The following SYN3 variants were observed in gnomAD, a reference collection of about 807,000 sequenced individuals.
SYN3 encodes the protein synapsin-3.
SYN3 carries 35 observed loss-of-function variants against 65.8 expected under a neutral mutation model. The ratio of observed to expected loss-of-function variants is 0.53; its 90% confidence interval spans 0.41 to 0.70. The LOEUF (loss-of-function observed/expected upper bound fraction) is 0.70, where lower values mean the gene tolerates loss of function less well. Ranked by LOEUF, SYN3 falls within the 30% of genes least tolerant of loss-of-function variation. The probability of loss-of-function intolerance (pLI) is 0.00; values close to 1 mark genes in which losing one functional copy is unlikely to be tolerated. For synonymous variants in SYN3, 270 were observed against 292.9 expected, an observed-to-expected ratio of 0.92 and a Z score of 0.80; for missense variants, 680 against 749.0, an observed-to-expected ratio of 0.91 and a Z score of 1.08.
chr22:32,513,387 C>G lies in SYN3; in HGVS notation c.*305G>C, dbSNP rs1427407192. 3.6e-6 allele frequency: 1 copy of G among 280,378 alleles called. No individual in the cohort carries two copies. The highest frequency in any genetic ancestry group is 6.7e-6 in the Non-Finnish European group (1 of 148,676). The allele number at this position is 280,378 out of a possible 1,614,324, so 17.4% of individuals were successfully genotyped here. A position where few individuals can be genotyped will look rare whatever the true frequency, so the allele number is the denominator to read the frequency against. On this transcript the variant is annotated 3_prime_UTR_variant, in exon 14 of 14. Transcript: ENST00000358763. The stretch of plus-strand genomic sequence containing the variant: ...AAACTAGCCACTCGCAGACATCTCA[C>G]TTGGTTATCTGGCAGGTAAGCAGGC...
At chr22:32,624,214 G>A (rs1392877045) in intron 6 of SYN3, among the ~76,000 whole-genome samples, 3 of 152,166 alleles carry the variant, frequency 2.0e-5, no homozygotes, top group African/African-American at 4.8e-5. Flanking sequence ...GGTTTGGAAC[G>A]GTGCCTGTTC....
intron 6 of SYN3, among the ~76,000 whole-genome samples, chr22:32,812,726 A>G (rs1254167542): frequency 1.3e-5 from 2 of 152,200 alleles, no homozygotes; most frequent in East Asian, 3.8e-4. Flanking sequence ...CACATGTGTG[A>G]TCTGATGGAA....
chr22:32,947,862 G>A (rs567943072), intron 3 of SYN3, among the ~76,000 whole-genome samples: 1 of 152,328 alleles, frequency 6.6e-6, no homozygotes, highest in East Asian at 1.9e-4. Context: ...TCTCTGTTCT[G>A]TGTTGCACAT....
chr22:32,830,629 G>C (rs78161683), intron 6 of SYN3, among the ~76,000 whole-genome samples: 2 of 152,168 alleles, frequency 1.3e-5, no homozygotes, highest in South Asian at 2.1e-4. Flanking sequence ...AGGAATTCTC[G>C]TTGGAAAACA....
intron 1 of SYN3, among the ~76,000 whole-genome samples, chr22:33,025,859 C>T (rs898649585): frequency 2.6e-5 from 4 of 152,128 alleles, no homozygotes; most frequent in Non-Finnish European, 5.9e-5. Flanking sequence ...CATGTGACTG[C>T]ACCAGGCCCC....
At chr22:32,786,925 A>G (rs1182280137) in intron 6 of SYN3, among the ~76,000 whole-genome samples, 3 of 152,156 alleles carry the variant, frequency 2.0e-5, no homozygotes, top group African/African-American at 7.2e-5. Context: ...GGGGGCTGGA[A>G]GGACCAGGTT....
chr22:32,855,641 C>T (rs377477071), intron 6 of SYN3, among the ~76,000 whole-genome samples: 7 of 152,200 alleles, frequency 4.6e-5, no homozygotes, highest in African/African-American at 1.4e-4. Flanking sequence ...GGAGATTTCT[C>T]AACCTCAGTA....
rs1008692797 is a variant in SYN3 at position 32,663,400 on chromosome 22, G to A, written c.712-66664C>T. Among the ~76,000 whole-genome samples the A allele has an allele frequency of 6.1e-3, 921 of 150,746 alleles. 9 individuals carry two copies. Among genetic ancestry groups the A allele is most frequent in the African/African-American group, 0.022 (892 of 40,930 alleles). Reference sequence around the variant, plus strand: ...TGCAAGCTCCGCCTCCCGGGTTCACGCCATTCTCCTGCCTCAGCCGCCCGA... The same window carrying A: ...TGCAAGCTCCGCCTCCCGGGTTCACACCATTCTCCTGCCTCAGCCGCCCGA... On this transcript the variant is annotated intron_variant, in intron 6 of 13. Coordinates refer to ENST00000358763, the MANE Select transcript of SYN3 (RefSeq NM_003490.4).
In SYN3 at chr22:32,801,949, C is replaced by A. The variant is rs1209959023; in HGVS notation, c.711+62966G>T. 2 of 1,550,640 alleles carry A rather than the reference C, an allele frequency of 1.3e-6. No homozygotes were observed. The highest frequency in any genetic ancestry group is 2.4e-5 in the East Asian group (1 of 41,172). On this transcript the variant is annotated intron_variant, in intron 6 of 13. Coordinates refer to ENST00000358763, the MANE Select transcript of SYN3 (RefSeq NM_003490.4). This position sits in a 1 kb window ranked among gnomAD's most constrained non-coding sequence, Gnocchi z 4.7. ...GCAGCAGCCCCGCCGGCGGCGCGCA[C>A]GGCAACTTTGGAGAGGCGAGCAGCA...
At chr22:32,591,246 A>C (rs73881746) in intron 7 of SYN3, among the ~76,000 whole-genome samples, 10,578 of 152,038 alleles carry the variant, frequency 0.07, 388 homozygotes, top group African/African-American at 0.084. Context: ...AAAAAAAAAA[A>C]CTTAAAAATT....
At chr22:33,011,041 T>G (rs2053338188) in intron 1 of SYN3, among the ~76,000 whole-genome samples, 1 of 152,224 alleles carries the variant, frequency 6.6e-6, no homozygotes, top group Non-Finnish European at 1.5e-5. Flanking sequence ...AGATCTTTAC[T>G]TCTTTCTTTC....
chr22:32,508,329 C>A lies in SYN3; in HGVS notation c.*5363G>T, dbSNP rs1054893318. Reference sequence around the variant, plus strand: ...CCCGCCCCTGCCCACCAGAGAACAACCCCCTTTGCATGTAATTTTCCATTA... The same window carrying A: ...CCCGCCCCTGCCCACCAGAGAACAAACCCCTTTGCATGTAATTTTCCATTA... On this transcript the variant is annotated 3_prime_UTR_variant, in exon 14 of 14. Coordinates refer to ENST00000358763, the MANE Select transcript of SYN3 (RefSeq NM_003490.4). Among the ~76,000 whole-genome samples, 2 of 152,134 alleles carry A rather than the reference C, an allele frequency of 1.3e-5. No homozygotes were observed. Among genetic ancestry groups the A allele is most frequent in the Non-Finnish European group, 2.9e-5 (2 of 68,038 alleles).
chr22:32,990,399 T>TCCAG (rs1398116662), intron 2 of SYN3, among the ~76,000 whole-genome samples: 18 of 130,764 alleles, frequency 1.4e-4, no homozygotes, highest in South Asian at 5.0e-4. Flanking sequence ...CATCCATCCA[T>TCCAG]CCATCCAGCC....
chr22:32,802,008 C>A (rs777890618), intron 6 of SYN3: 6 of 1,583,748 alleles, frequency 3.8e-6, no homozygotes, highest in Middle Eastern at 1.7e-4. Flanking sequence ...GGCAATGACC[C>A]CTTGGCTCGG....
At chr22:32,791,099 T>G (rs1348430653) in intron 6 of SYN3, among the ~76,000 whole-genome samples, 1 of 152,182 alleles carries the variant, frequency 6.6e-6, no homozygotes, top group Non-Finnish European at 1.5e-5. Context: ...TGTGCCCCAG[T>G]GTTCTTTTCC....
chr22:33,041,109 G>A (rs2053957054), intron 1 of SYN3, among the ~76,000 whole-genome samples: 1 of 151,826 alleles, frequency 6.6e-6, no homozygotes, highest in East Asian at 1.9e-4. Flanking sequence ...AGTAGAGATG[G>A]GTTTTCACCA....
intron 3 of SYN3, among the ~76,000 whole-genome samples, chr22:32,946,340 C>T (rs1443920188): frequency 6.6e-6 from 1 of 152,150 alleles, no homozygotes; most frequent in African/African-American, 2.4e-5. Context: ...GGCACATATA[C>T]ACCATGGAAT....
chr22:32,857,439 G>A, intron 6 of SYN3: 1 of 1,049,722 alleles, frequency 9.5e-7, no homozygotes, highest in South Asian at 1.3e-5. Flanking sequence ...CACATACGGA[G>A]TAGTTGACTC....
intron 3 of SYN3, among the ~76,000 whole-genome samples, chr22:32,940,938 T>G (rs7284962): frequency 0.027 from 4,100 of 152,196 alleles, 170 homozygotes; most frequent in African/African-American, 0.092. Context: ...TGGACACTGG[T>G]CAATCATATG....
Sources: gnomAD v4.1 joint callset for allele counts (sites outside exome capture counted in the v4.1 genomes callset) on GRCh38, gnomAD v4.1.1 for gene constraint, Gnocchi (gnomAD v3.1) non-coding constraint, MANE v1.5 for transcripts, NCBI Gene and HGNC (gene_info 2026-07-23, HGNC 2026-07-21) for gene names.